Variants in MACROD2 observed in about 807,000 individuals in gnomAD.
MACROD2 encodes the protein mono-ADP ribosylhydrolase 2.
Under a neutral mutation model 70.4 loss-of-function variants are expected in MACROD2, and 36 were observed. The ratio of observed to expected loss-of-function variants is 0.51; its 90% confidence interval spans 0.39 to 0.68. MACROD2 has a LOEUF of 0.68. Ranked by LOEUF, MACROD2 falls within the 30% of genes least tolerant of loss-of-function variation. MACROD2 has a pLI of 0.00. For missense variants in MACROD2, 496 were observed against 538.4 expected, an observed-to-expected ratio of 0.92 and a Z score of 0.78; for synonymous variants, 172 against 178.8, an observed-to-expected ratio of 0.96 and a Z score of 0.30.
intron 17 of MACROD2, among the ~76,000 whole-genome samples, chr20:16,045,654 GT>G (rs2147621393): frequency 6.6e-6 from 1 of 152,084 alleles, no homozygotes; most frequent in South Asian, 2.1e-4. Context: ...ACATAATGTT[GT>G]TACTTGTGTG....
At chr20:16,010,699 G>A (rs1273814160) in intron 15 of MACROD2, among the ~76,000 whole-genome samples, 1 of 152,148 alleles carries the variant, frequency 6.6e-6, no homozygotes, top group Non-Finnish European at 1.5e-5. Flanking sequence ...AGAGCTTAGA[G>A]TCTGTTTGGG....
At chr20:15,717,764 G>A (rs192974797) in intron 8 of MACROD2, among the ~76,000 whole-genome samples, 8 of 152,226 alleles carry the variant, frequency 5.3e-5, no homozygotes, top group Admixed American at 3.3e-4. Flanking sequence ...CTACTTTGGT[G>A]GAATTGTAGG....
At chr20:15,236,477 A>G (rs1047847710) in intron 6 of MACROD2, among the ~76,000 whole-genome samples, 4 of 152,246 alleles carry the variant, frequency 2.6e-5, no homozygotes, top group Non-Finnish European at 5.9e-5. Context: ...GCCATGAAAT[A>G]TAGTAATAAG....
intron 5 of MACROD2, among the ~76,000 whole-genome samples, chr20:15,094,536 T>G (rs977542151): frequency 6.6e-6 from 1 of 152,210 alleles, no homozygotes; most frequent in Non-Finnish European, 1.5e-5. Flanking sequence ...AAAACAAATT[T>G]GACTCTTGTA....
intron 6 of MACROD2, among the ~76,000 whole-genome samples, chr20:15,232,999 G>T (rs1357462277): frequency 6.6e-6 from 1 of 151,898 alleles, no homozygotes; most frequent in Middle Eastern, 3.2e-3. Context: ...GACAAAGAGA[G>T]GATCTAGTGG....
intron 4 of MACROD2, among the ~76,000 whole-genome samples, chr20:14,520,966 C>CAT (rs2085162164): frequency 1.1e-5 from 1 of 91,174 alleles, no homozygotes; most frequent in Non-Finnish European, 2.2e-5. Flanking sequence ...CGCACACACA[C>CAT]ACACACACGC....
At chr20:14,474,777 A>G (rs560071058) in intron 3 of MACROD2, among the ~76,000 whole-genome samples, 18 of 152,220 alleles carry the variant, frequency 1.2e-4, no homozygotes, top group South Asian at 4.1e-4. Flanking sequence ...ATCTGCAATG[A>G]ATGTTGCCAC....
chr20:16,004,882 C>T (rs1415172250), intron 15 of MACROD2, among the ~76,000 whole-genome samples: 3 of 152,212 alleles, frequency 2.0e-5, no homozygotes, highest in African/African-American at 4.8e-5. Flanking sequence ...ACAGTAGTGA[C>T]TCAGAGCCAA....
At chr20:14,866,182 A>G (rs915120600) in intron 5 of MACROD2, among the ~76,000 whole-genome samples, 2 of 152,136 alleles carry the variant, frequency 1.3e-5, no homozygotes, top group African/African-American at 2.4e-5. Context: ...TTTTGACTCA[A>G]AATTAACCAG....
intron 3 of MACROD2, among the ~76,000 whole-genome samples, chr20:14,472,106 A>T (rs550760274): frequency 1.1e-3 from 167 of 152,284 alleles, no homozygotes; most frequent in African/African-American, 4.0e-3. Context: ...TTTCTGTTGA[A>T]TAAATTTCTT....
At chr20:14,542,357 T>C in intron 4 of MACROD2, among the ~76,000 whole-genome samples, 1 of 152,232 alleles carries the variant, frequency 6.6e-6, no homozygotes, top group Non-Finnish European at 1.5e-5. Flanking sequence ...GGAAAAACTA[T>C]GTTCTTTGTT....
intron 5 of MACROD2, among the ~76,000 whole-genome samples, chr20:14,971,298 A>G (rs1020171100): frequency 6.6e-6 from 1 of 152,042 alleles, no homozygotes; most frequent in Non-Finnish European, 1.5e-5. Context: ...GAGTAGTTGC[A>G]TGGGTAACCA....
rs534422276 is a variant in MACROD2, at chr20:15,770,114, A to C, written c.646-92631A>C. Among the ~76,000 whole-genome samples, 176 of 104,466 alleles carry C rather than the reference A, an allele frequency of 1.7e-3. 1 individual carries two copies. The highest frequency in any genetic ancestry group is 6.8e-3 in the African/African-American group (158 of 23,396). 68.5% of individuals were successfully genotyped at this position (104,466 alleles called of 152,430 possible). A position where few individuals can be genotyped will look rare whatever the true frequency, so the allele number is the denominator to read the frequency against. On this transcript the variant is annotated intron_variant, in intron 8 of 17. Transcript: ENST00000684519. ...CTTTTTTTTTTTTTTTTTTTTTTAG[A>C]GATAGGGTCTTGCTTTCTTGCCCAG...
chr20:15,593,453 T>C (rs1339225238), intron 8 of MACROD2, among the ~76,000 whole-genome samples: 2 of 152,238 alleles, frequency 1.3e-5, no homozygotes, highest in Non-Finnish European at 2.9e-5. Flanking sequence ...ATTGGCACAA[T>C]GGCATTTATT....
At chr20:14,971,999 A>G (rs1334626159) in intron 5 of MACROD2, among the ~76,000 whole-genome samples, 1 of 152,154 alleles carries the variant, frequency 6.6e-6, no homozygotes, top group African/African-American at 2.4e-5. Context: ...GCTTTTTGTT[A>G]GAAAAGAAAA....
At chr20:14,225,037 G>A (rs575688992) in intron 3 of MACROD2, among the ~76,000 whole-genome samples, 2 of 152,316 alleles carry the variant, frequency 1.3e-5, no homozygotes, top group Admixed American at 6.5e-5. Flanking sequence ...CTGCCTGTTT[G>A]GGGGAAGTTT....
chr20:14,647,766 G>C (rs1985471845), intron 4 of MACROD2, among the ~76,000 whole-genome samples: 1 of 152,008 alleles, frequency 6.6e-6, no homozygotes, highest in Non-Finnish European at 1.5e-5. Flanking sequence ...CAGGTCTAGG[G>C]GACATGATCT....
At chr20:15,121,944 T>C (rs1387042110) in intron 5 of MACROD2, among the ~76,000 whole-genome samples, 2 of 152,154 alleles carry the variant, frequency 1.3e-5, no homozygotes, top group East Asian at 3.8e-4. Flanking sequence ...GAAATAAATT[T>C]GTGGGTGGGG....
intron 8 of MACROD2, among the ~76,000 whole-genome samples, chr20:15,746,432 A>G (rs77771464): frequency 0.014 from 2,112 of 152,012 alleles, 51 homozygotes; most frequent in East Asian, 0.12. Flanking sequence ...ATATAATCAT[A>G]CTATCTTTGA....
Sources: gnomAD v4.1 joint callset for allele counts (sites outside exome capture counted in the v4.1 genomes callset) on GRCh38, gnomAD v4.1.1 for gene constraint, MANE v1.5 for transcripts, NCBI Gene and HGNC (gene_info 2026-07-23, HGNC 2026-07-21) for gene names.